The following CADM2 variants were observed in gnomAD, a reference collection of about 807,000 sequenced individuals.
CADM2 encodes immunoglobulin superfamily member 4D.
In CADM2, 12 loss-of-function variants were observed where a neutral mutation model predicts 49.8. The ratio of observed to expected loss-of-function variants is 0.24; its 90% CI spans 0.15 to 0.39. The LOEUF is 0.39. Among genes scored for constraint, CADM2 ranks in the 10% least tolerant of loss-of-function variants. The pLI, the probability that CADM2 is intolerant of heterozygous loss-of-function variation, is 1.00. For missense variants in CADM2, 378 were observed against 492.3 expected, an observed-to-expected ratio of 0.77 and a Z score of 2.20; for synonymous variants, 214 against 175.4, an observed-to-expected ratio of 1.22 and a Z score of -1.74.
At chr3:85,694,714 A>G (rs1191951060) in intron 1 of CADM2, among the ~76,000 whole-genome samples, 2 of 152,168 alleles carry the variant, frequency 1.3e-5, no homozygotes, top group Non-Finnish European at 2.9e-5. Flanking sequence ...TGCCCCTGGG[A>G]TTTTAAAGAT....
intron 1 of CADM2, among the ~76,000 whole-genome samples, chr3:85,660,268 G>A (rs2065358869): frequency 6.6e-6 from 1 of 152,068 alleles, no homozygotes; most frequent in Non-Finnish European, 1.5e-5. Flanking sequence ...CTAAATGGAT[G>A]GAATATATAT....
At chr3:85,588,215 A>C (rs1051849067) in intron 1 of CADM2, among the ~76,000 whole-genome samples, 1 of 152,096 alleles carries the variant, frequency 6.6e-6, no homozygotes, top group African/African-American at 2.4e-5. Context: ...ACAAGATACA[A>C]GCATTGTTTA....
intron 3 of CADM2, among the ~76,000 whole-genome samples, chr3:85,818,547 C>A (rs1163227388): frequency 2.0e-5 from 3 of 152,168 alleles, no homozygotes; most frequent in African/African-American, 7.2e-5. Context: ...AATACTCTCT[C>A]AGTAGTTCAA....
chr3:85,398,676 T>G (rs2034923165), intron 1 of CADM2, among the ~76,000 whole-genome samples: 1 of 152,172 alleles, frequency 6.6e-6, no homozygotes, highest in South Asian at 2.1e-4. Context: ...TGTTGTTTCC[T>G]GACATTTTAA....
At chr3:85,471,306 T>C (rs896213037) in intron 1 of CADM2, among the ~76,000 whole-genome samples, 1 of 152,112 alleles carries the variant, frequency 6.6e-6, no homozygotes, top group African/African-American at 2.4e-5. Flanking sequence ...AGAAAAGAGC[T>C]TGGGAGAAAA....
chr3:85,298,724 A>G (rs528055059), intron 1 of CADM2, among the ~76,000 whole-genome samples: 1 of 152,290 alleles, frequency 6.6e-6, no homozygotes, highest in Admixed American at 6.5e-5. Context: ...GACAAAATTT[A>G]TGTAAAAATA....
At chr3:85,985,692 C>T (rs1388285697) in intron 8 of CADM2, among the ~76,000 whole-genome samples, 1 of 151,904 alleles carries the variant, frequency 6.6e-6, no homozygotes, top group African/African-American at 2.4e-5. Context: ...GTTTGTATCA[C>T]TATAATCCTA....
intron 1 of CADM2, among the ~76,000 whole-genome samples, chr3:85,177,314 T>C (rs967367516): frequency 3.9e-5 from 6 of 152,092 alleles, no homozygotes; most frequent in African/African-American, 1.2e-4. Flanking sequence ...TATTTTGTGT[T>C]AGTATGTGTG....
chr3:84,993,178 G>C (rs142232769), intron 1 of CADM2, among the ~76,000 whole-genome samples: 1,658 of 152,032 alleles, frequency 0.011, 28 homozygotes, highest in African/African-American at 0.038. Context: ...CTTGTTTATC[G>C]GGCCCAAGTG....
At chr3:85,721,462 G>T (rs1464246693) in intron 1 of CADM2, among the ~76,000 whole-genome samples, 1 of 152,122 alleles carries the variant, frequency 6.6e-6, no homozygotes, top group African/African-American at 2.4e-5. Flanking sequence ...CACACTACTG[G>T]CCTGGGTCTC....
chr3:85,627,092 T>G (rs954907611), intron 1 of CADM2, among the ~76,000 whole-genome samples: 7 of 152,040 alleles, frequency 4.6e-5, no homozygotes, highest in Non-Finnish European at 1.0e-4. Flanking sequence ...TGAAGTAAAC[T>G]TTCATTAAAT....
intron 1 of CADM2, among the ~76,000 whole-genome samples, chr3:85,601,646 A>G (rs1344078087): frequency 6.6e-6 from 1 of 151,340 alleles, no homozygotes; most frequent in Non-Finnish European, 1.5e-5. Context: ...AAAAACGTTT[A>G]TATTCAGGTT....
At chr3:85,225,642 A>G (rs555222539) in intron 1 of CADM2, among the ~76,000 whole-genome samples, 35 of 152,320 alleles carry the variant, frequency 2.3e-4, no homozygotes, top group African/African-American at 8.4e-4. Context: ...ACTATATTCA[A>G]TAGGAATGGT....
intron 1 of CADM2, among the ~76,000 whole-genome samples, chr3:85,614,707 A>G (rs1251596316): frequency 1.3e-5 from 2 of 151,852 alleles, no homozygotes; most frequent in Non-Finnish European, 2.9e-5. Flanking sequence ...ATGTCTATAT[A>G]ATTCCAAAGT....
chr3:85,821,693 C>A (rs2108186168), intron 3 of CADM2, among the ~76,000 whole-genome samples: 1 of 152,224 alleles, frequency 6.6e-6, no homozygotes, highest in Admixed American at 6.6e-5. Flanking sequence ...GTGATCATGA[C>A]AAACTAACCT....
At chr3:85,895,869 C>A (rs529246261) in intron 5 of CADM2, among the ~76,000 whole-genome samples, 8 of 152,248 alleles carry the variant, frequency 5.3e-5, no homozygotes, top group African/African-American at 1.9e-4. Context: ...CTTTTGCTTT[C>A]TGTGAGGCCT....
At chr3:85,626,098 ATT>A (rs1232773416) in intron 1 of CADM2, among the ~76,000 whole-genome samples, 1 of 151,982 alleles carries the variant, frequency 6.6e-6, no homozygotes, top group Non-Finnish European at 1.5e-5. Context: ...GAAATTAGTA[ATT>A]TACTGATAAT....
rs2062835133 is a variant in CADM2, at chr3:85,582,854, A to T, written c.62-143668A>T. 2.0e-5 allele frequency among the ~76,000 whole-genome samples: 3 copies of T among 152,276 alleles called. No homozygotes were observed. The South Asian group carries it at 6.2e-4, about 32-fold the overall frequency. On this transcript the variant is annotated intron_variant, in intron 1 of 9. Transcript: ENST00000383699. Reference sequence around the variant, plus strand: ...AATAGAGTGAATGAAATGGGTGAGTAGAATCTCTGCTTCACCACATCCTTG... The same window carrying T: ...AATAGAGTGAATGAAATGGGTGAGTTGAATCTCTGCTTCACCACATCCTTG...
At chr3:85,474,935 G>A (rs1417824036) in intron 1 of CADM2, among the ~76,000 whole-genome samples, 3 of 151,866 alleles carry the variant, frequency 2.0e-5, no homozygotes, top group Non-Finnish European at 4.4e-5. Flanking sequence ...CAGCATCCTC[G>A]AATCTCAAGG....
Sources: gnomAD v4.1 joint callset for allele counts (sites outside exome capture counted in the v4.1 genomes callset) on GRCh38, gnomAD v4.1.1 for gene constraint, MANE v1.5 for transcripts, NCBI Gene and HGNC (gene_info 2026-07-23, HGNC 2026-07-21) for gene names.